The following REL variants were observed in gnomAD, a reference collection of about 807,000 sequenced individuals.
The protein encoded by REL is proto-oncogene c-Rel.
In REL, 15 loss-of-function variants were observed where a neutral mutation model predicts 45.9. That is an observed-to-expected ratio of 0.33 (90% CI 0.22 to 0.50). REL has a LOEUF of 0.50. Among genes scored for constraint, REL ranks in the 20% least tolerant of loss-of-function variants. The pLI is 0.98. For missense variants in REL, 601 were observed against 715.2 expected, an observed-to-expected ratio of 0.84 and a Z score of 1.82; for synonymous variants, 239 against 242.1, an observed-to-expected ratio of 0.99 and a Z score of 0.12.
chr2:60,886,486 A>G (rs955607470), intron 1 of REL, among the ~76,000 whole-genome samples: 4 of 152,138 alleles, frequency 2.6e-5, no homozygotes, highest in Admixed American at 6.5e-5. Flanking sequence ...ATTCATTTTT[A>G]TTATAACTTC....
In REL at chr2:60,922,421, C is replaced by G; in HGVS notation, c.1650C>G (p.Asn550Lys). 1 of 1,613,996 alleles carries G rather than the reference C, an allele frequency of 6.2e-7. No individual in the cohort carries two copies. The highest frequency in any genetic ancestry group is 2.2e-5 in the East Asian group (1 of 44,862). Reference sequence around the variant, plus strand: ...TGATAAATGAGTCGGGACCATCAAACAGTACTAATCCAAACAGTCATGGTT... The same window carrying G: ...TGATAAATGAGTCGGGACCATCAAAGAGTACTAATCCAAACAGTCATGGTT... ...NSMINESGPS[N>K]STNPNSHGFV... The change falls in exon 10 of 10, where the codon AAC (asparagine) becomes AAG (lysine). Residue 550 changes from asparagine (N) to lysine (K), a missense_variant. Physicochemically the swap from Asn to Lys is moderately conservative, Grantham distance 94 (BLOSUM62 0). Transcript: ENST00000394479.
Position 60,916,906 on chromosome 2 carries a change from G to A in REL, c.424G>A (p.Asp142Asn). The A allele has an allele frequency of 5.0e-6, 8 of 1,613,108 alleles. No individual in the cohort carries two copies. The highest frequency in any genetic ancestry group is 5.9e-6 in the Non-Finnish European group (7 of 1,179,544). The change falls in exon 5 of 10, where the codon GAT becomes AAT. Residue 142 changes from aspartate to asparagine, a missense_variant. By Grantham distance (23) the Asp-to-Asn change is conservative. This residue lies in a region of REL where 241 missense variants were observed against 347.0 expected (regional missense o/e 0.69). Transcript: ENST00000394479. ...VPEKQLNDIE[D>N]CDLNVVRLCF... Reference sequence around the variant, plus strand: ...TGAAAAACAGCTGAATGATATTGAAGATTGTGACCTCAATGTGGTGAGACT... The same window carrying A: ...TGAAAAACAGCTGAATGATATTGAAAATTGTGACCTCAATGTGGTGAGACT...
Position 60,882,340 on chromosome 2 carries a change from G to T in REL, c.10+490G>T, listed in dbSNP as rs1398102817. On this transcript the variant is annotated intron_variant, in intron 1 of 9. Transcript: ENST00000394479. The stretch of plus-strand genomic sequence containing the variant: ...AAAATCATCCGTGGTATTTTAACAC[G>T]AATTAGAAAATCCGTGGTATTTTAA... 4.6e-5 allele frequency among the ~76,000 whole-genome samples: 7 copies of T among 152,202 alleles called. No homozygotes were observed. The East Asian group carries it at 1.4e-3, about 29-fold the overall frequency.
At chr2:60,917,068 A>G (rs1373455949) in intron 5 of REL, 51 bp downstream of exon 5, 2 of 1,453,682 alleles carry the variant, frequency 1.4e-6, no homozygotes, top group East Asian at 4.6e-5. Context: ...TTTTTGTAAT[A>G]GTTTAATTCT....
At chr2:60,883,042 G>T (rs1044738873) in intron 1 of REL, among the ~76,000 whole-genome samples, 3 of 152,122 alleles carry the variant, frequency 2.0e-5, no homozygotes, top group Non-Finnish European at 2.9e-5. Flanking sequence ...GGTCGAGTTG[G>T]TCTTTTACCA....
chr2:60,902,884 C>G (rs763222758), intron 4 of REL, among the ~76,000 whole-genome samples: 1 of 152,070 alleles, frequency 6.6e-6, no homozygotes, highest in Non-Finnish European at 1.5e-5. Context: ...CCACTGCACC[C>G]GGTCTATTTA....
chr2:60,902,334 T>G (rs2103949275), intron 4 of REL, among the ~76,000 whole-genome samples: 2 of 152,330 alleles, frequency 1.3e-5, no homozygotes, highest in South Asian at 4.1e-4. Context: ...AGTCACCTTC[T>G]TCCCTTCCAG....
chr2:60,929,548 A>C lies in REL; in HGVS notation c.*7013A>C, dbSNP rs1301513068. ...GACATGGATGAAATTGGAAAACATC[A>C]TTCTCAGTAAACTATCGCAAGAACA... On this transcript the variant is annotated 3_prime_UTR_variant, in exon 10 of 10. Transcript: ENST00000394479. 6.6e-6 allele frequency: 1 copy of C among 151,758 alleles called. No individual in the cohort carries two copies. Among genetic ancestry groups the C allele is most frequent in the Non-Finnish European group, 1.5e-5 (1 of 67,960 alleles). 9.4% of individuals were successfully genotyped at this position (151,758 alleles called of 1,614,324 possible). A position where few individuals can be genotyped will look rare whatever the true frequency, so the allele number is the denominator to read the frequency against.
chr2:60,922,097 G>T lies in REL; in HGVS notation c.1326G>T (p.Ala442=). 6.8e-6 allele frequency: 11 copies of T among 1,614,078 alleles called. No individual in the cohort carries two copies. Among genetic ancestry groups the T allele is most frequent in the Non-Finnish European group, 9.3e-6 (11 of 1,179,978 alleles). ...NNADDIVGME[A]SSMPSADLYG... is the part of the protein sequence containing the mutation. ...CCGATGACATAGTCGGAATGGAAGCGTCATCCATGCCATCAGCAGATTTAT... is the reference window on the plus strand; with the variant it reads ...CCGATGACATAGTCGGAATGGAAGCTTCATCCATGCCATCAGCAGATTTAT... Residue 442 remains alanine, a synonymous_variant, in exon 10 of 10, where the codon GCG becomes GCT. Coordinates refer to ENST00000394479, the MANE Select transcript of REL (RefSeq NM_001291746.2).
chr2:60,916,822 A>C, intron 4 of REL, 55 bp from the exon 5 acceptor site: 2 of 1,300,530 alleles, frequency 1.5e-6, no homozygotes, highest in South Asian at 2.6e-5. Flanking sequence ...AGGACCTAGC[A>C]AGTCTTTAGG....
At chr2:60,905,383 C>G (rs1235824032) in intron 4 of REL, among the ~76,000 whole-genome samples, 1 of 152,160 alleles carries the variant, frequency 6.6e-6, no homozygotes, top group Admixed American at 6.5e-5. Flanking sequence ...CATGAGCCAC[C>G]ACACCCAGCC....
chr2:60,903,971 C>T (rs189196178), intron 4 of REL, among the ~76,000 whole-genome samples: 1 of 152,218 alleles, frequency 6.6e-6, no homozygotes, highest in East Asian at 1.9e-4. Flanking sequence ...CCGACTCAGG[C>T]ATGATATTAA....
chr2:60,912,220 A>C (rs927960583), intron 4 of REL, among the ~76,000 whole-genome samples: 2 of 152,120 alleles, frequency 1.3e-5, no homozygotes, highest in Middle Eastern at 3.2e-3. Context: ...GAGAGCCCAG[A>C]AGAGACTCCA....
At chr2:60,894,004 C>T (rs1414668645) in intron 2 of REL, among the ~76,000 whole-genome samples, 1 of 152,110 alleles carries the variant, frequency 6.6e-6, no homozygotes, top group Admixed American at 6.6e-5. Flanking sequence ...ATGTGCTATC[C>T]TTTCCAATAC....
intron 4 of REL, among the ~76,000 whole-genome samples, chr2:60,915,255 T>C (rs912497644): frequency 2.6e-5 from 4 of 152,254 alleles, no homozygotes; most frequent in African/African-American, 9.6e-5. Flanking sequence ...TACAAATTTA[T>C]CTTTTTTGCA....
intron 4 of REL, among the ~76,000 whole-genome samples, chr2:60,902,428 T>C (rs1421845969): frequency 6.6e-6 from 1 of 152,112 alleles, no homozygotes; most frequent in Non-Finnish European, 1.5e-5. Flanking sequence ...TGTAGACATA[T>C]ATATTTTATA....
In REL at chr2:60,928,882, C is replaced by G. The variant is rs1674327204; in HGVS notation, c.*6347C>G. The G allele has an allele frequency of 1.3e-5, 2 of 149,720 alleles. No individual in the cohort carries two copies. The highest frequency in any genetic ancestry group is 6.7e-5 in the Admixed American group (1 of 14,940). The allele number at this position is 149,720 out of a possible 1,614,324, so 9.3% of individuals were successfully genotyped here. On this transcript the variant is annotated 3_prime_UTR_variant, in exon 10 of 10. Coordinates refer to ENST00000394479, the MANE Select transcript of REL (RefSeq NM_001291746.2). ...CAAAAGAAACTACCATCAGAGTGAA[C>G]AGGCAACCTACAAAATGGGAGAAAA... is the stretch of plus-strand genomic sequence containing the variant.
At chr2:60,909,732 C>T (rs1161240091) in intron 4 of REL, among the ~76,000 whole-genome samples, 1 of 152,146 alleles carries the variant, frequency 6.6e-6, no homozygotes, top group African/African-American at 2.4e-5. Context: ...GAAACCCTAT[C>T]TCTACTAAAA....
intron 1 of REL, among the ~76,000 whole-genome samples, chr2:60,884,027 A>C (rs1387742085): frequency 6.6e-6 from 1 of 151,476 alleles, no homozygotes; most frequent in Non-Finnish European, 1.5e-5. Context: ...CCTTAGAGAA[A>C]GAAAAAGATT....
Sources: gnomAD v4.1 joint callset for allele counts (sites outside exome capture counted in the v4.1 genomes callset) on GRCh38, gnomAD v4.1.1 for gene constraint, gnomAD v4.1.1 regional missense constraint, MANE v1.5 for transcripts, NCBI Gene and HGNC (gene_info 2026-07-23, HGNC 2026-07-21) for gene names.